Variants in IFT88 observed in about 807,000 individuals in gnomAD.
The protein encoded by IFT88 is intraflagellar transport protein 88 homolog.
IFT88 carries 74 observed loss-of-function variants against 119.5 expected under a neutral mutation model. That is an observed-to-expected ratio of 0.62 (90% CI 0.51 to 0.75). The LOEUF (loss-of-function observed/expected upper bound fraction) is 0.75. Ranked by LOEUF, IFT88 falls within the 30% of genes least tolerant of loss-of-function variation. The probability of loss-of-function intolerance (pLI) is 0.00; values close to 1 mark genes in which losing one functional copy is unlikely to be tolerated. For synonymous variants in IFT88, 279 were observed against 316.7 expected (o/e 0.88, Z 1.26); for missense variants, 961 against 977.7 (o/e 0.98, Z 0.23).
At chr13:20,638,578 G>T in intron 17 of IFT88, 60 bp downstream of exon 17, 1 of 1,250,462 alleles carries the variant, frequency 8.0e-7, no homozygotes. Flanking sequence ...ATTTGTTTTT[G>T]TTTTGTTTTG....
Position 20,670,972 on chromosome 13 carries a change from G to A in IFT88, c.2176-1G>A, listed in dbSNP as rs1198202638. ...TTAAACTTGTCTTCTCTTTGCTCTAGCGCATAAAGTCAGGCAGAGATGGCA... is the reference window on the plus strand; with the variant it reads ...TTAAACTTGTCTTCTCTTTGCTCTAACGCATAAAGTCAGGCAGAGATGGCA... On this transcript the variant is annotated splice_acceptor_variant, in intron 23 of 25. Transcript: ENST00000351808. LOFTEE classifies it high-confidence loss of function. 6.2e-7 allele frequency: 1 copy of A among 1,613,354 alleles called. No individual in the cohort carries two copies. The highest frequency in any genetic ancestry group is 1.3e-5 in the African/African-American group (1 of 74,902).
intron 24 of IFT88, among the ~76,000 whole-genome samples, chr13:20,674,717 TA>T (rs1454257710): frequency 0.029 from 2,454 of 84,854 alleles, 142 homozygotes; most frequent in African/African-American, 0.075. Flanking sequence ...TATATATATA[TA>T]TATATATTTT....
At chr13:20,593,534 TC>T (rs2041098099) in intron 7 of IFT88, among the ~76,000 whole-genome samples, 1 of 151,984 alleles carries the variant, frequency 6.6e-6, no homozygotes, top group South Asian at 2.1e-4. Context: ...TTTTTTTGTT[TC>T]TTTTTTTTAT....
chr13:20,603,373 C>T (rs1384695623), intron 12 of IFT88, among the ~76,000 whole-genome samples: 1 of 118,822 alleles, frequency 8.4e-6, no homozygotes, highest in Non-Finnish European at 1.7e-5. Flanking sequence ...GTGACAAGAG[C>T]AAAACTCCAT....
intron 14 of IFT88, among the ~76,000 whole-genome samples, chr13:20,620,834 G>C (rs1211269365): frequency 6.6e-6 from 1 of 152,134 alleles, no homozygotes; most frequent in Non-Finnish European, 1.5e-5. Context: ...CAGCTGGTAG[G>C]ACACTTTTTG....
At chr13:20,663,429 T>C in intron 22 of IFT88, 69 bp from the exon 23 acceptor site, 1 of 1,582,312 alleles carries the variant, frequency 6.3e-7, no homozygotes, top group Non-Finnish European at 8.6e-7. Context: ...CTGAGTTCAC[T>C]GATTTATTGA....
intron 21 of IFT88, among the ~76,000 whole-genome samples, chr13:20,654,180 CAT>C (rs1384810224): frequency 1.3e-5 from 2 of 152,112 alleles, no homozygotes; most frequent in East Asian, 1.9e-4. Context: ...TCAAAGTTAA[CAT>C]GTAATCATTT....
chr13:20,631,093 G>A lies in IFT88; in HGVS notation c.1377G>A (p.Leu459=), dbSNP rs886798488. The change falls in exon 16 of 26, where the codon CTG becomes CTA. Residue 459 remains leucine, a synonymous_variant. Coordinates refer to ENST00000351808, the MANE Select transcript of IFT88 (RefSeq NM_006531.5). ...CAGCTGCAACCAATCTCTCAGCCCT[G>A]TATTATATGGTAAGTTTTTTTACTA... ...KSAAATNLSA[L]YYMGKDFAQA... is the part of the protein sequence containing the mutation. 2 of 1,591,292 alleles carry A rather than the reference G, an allele frequency of 1.3e-6. No homozygotes were observed. Among genetic ancestry groups the A allele is most frequent in the African/African-American group, 2.7e-5 (2 of 74,578 alleles).
chr13:20,671,126 G>A, intron 24 of IFT88, 87 bp downstream of exon 24: 2 of 1,016,692 alleles, frequency 2.0e-6, no homozygotes, highest in South Asian at 2.9e-5. Context: ...AATCTAAAGT[G>A]TTCTTATGTG....
chr13:20,594,727 C>T (rs2041339032), intron 7 of IFT88, among the ~76,000 whole-genome samples: 1 of 152,110 alleles, frequency 6.6e-6, no homozygotes, highest in African/African-American at 2.4e-5. Context: ...TTCATGTAAC[C>T]TTCATAAAAC....
chr13:20,660,842 A>G (rs1012465884), intron 22 of IFT88, among the ~76,000 whole-genome samples: 4 of 152,200 alleles, frequency 2.6e-5, no homozygotes, highest in South Asian at 4.1e-4. Context: ...TCGATGTCCA[A>G]GAGGATGTAT....
At chr13:20,612,638 C>G (rs1276983120) in intron 13 of IFT88, among the ~76,000 whole-genome samples, 1 of 152,062 alleles carries the variant, frequency 6.6e-6, no homozygotes, top group African/African-American at 2.4e-5. Context: ...CAAATTGATC[C>G]TAAAACTCAT....
intron 22 of IFT88, among the ~76,000 whole-genome samples, chr13:20,657,051 T>A (rs1312162532): frequency 6.6e-6 from 1 of 152,038 alleles, no homozygotes; most frequent in East Asian, 1.9e-4. Flanking sequence ...TAGAGACGGG[T>A]TTTACTATGT....
At chr13:20,683,880 A>G (rs766225965) in intron 24 of IFT88, among the ~76,000 whole-genome samples, 1 of 152,304 alleles carries the variant, frequency 6.6e-6, no homozygotes, top group African/African-American at 2.4e-5. Context: ...GAACAGAAGT[A>G]GATATAACAA....
At position 20,596,158 on chromosome 13, in the gene IFT88, A is replaced by C; in HGVS notation, c.407A>C (p.Glu136Ala). 1 of 1,492,906 alleles carries C rather than the reference A, an allele frequency of 6.7e-7. No homozygotes were observed. The highest frequency in any genetic ancestry group is 9.1e-7 in the Non-Finnish European group (1 of 1,100,082). The allele number at this position is 1,492,906 out of a possible 1,614,324, so 92.5% of individuals were successfully genotyped here. ...LEAKKKDSPE[E>A]KIKQLEKEVN... ...GCTTTTGTCTTTAATAGCCCAGAGG[A>C]AAAAATAAAGCAATTAGAGAAGGAA... Residue 136 changes from glutamate to alanine, a missense_variant, in exon 8 of 26, where the codon GAA becomes GCA. Transcript: ENST00000351808.
chr13:20,571,719 G>T (rs2036398190), intron 1 of IFT88, among the ~76,000 whole-genome samples: 1 of 152,218 alleles, frequency 6.6e-6, no homozygotes, highest in African/African-American at 2.4e-5. Flanking sequence ...AGTGCTCTTT[G>T]AGAAAGTTCA....
intron 22 of IFT88, among the ~76,000 whole-genome samples, chr13:20,657,574 T>C (rs2053045458): frequency 6.6e-6 from 1 of 152,172 alleles, no homozygotes; most frequent in Non-Finnish European, 1.5e-5. Flanking sequence ...CAGTAGATAC[T>C]TTCTTAAATA....
intron 24 of IFT88, among the ~76,000 whole-genome samples, chr13:20,686,990 C>T (rs1190611326): frequency 7.3e-6 from 1 of 136,764 alleles, no homozygotes; most frequent in Admixed American, 8.2e-5. Flanking sequence ...AGGCTCAGGC[C>T]ACCACACCCA....
intron 18 of IFT88, chr13:20,641,967 CAG>C (rs374802993): frequency 3.9e-5 from 6 of 152,272 alleles, no homozygotes; most frequent in South Asian, 2.1e-4. Flanking sequence ...GTTTCAAACT[CAG>C]GGGAATGTAG....
Sources: gnomAD v4.1 joint callset for allele counts (sites outside exome capture counted in the v4.1 genomes callset) on GRCh38, gnomAD v4.1.1 for gene constraint, MANE v1.5 for transcripts, NCBI Gene and HGNC (gene_info 2026-07-23, HGNC 2026-07-21) for gene names.